Variants in FUNDC2 observed in about 807,000 individuals in gnomAD.
FUNDC2 encodes FUN14 domain containing 2, also known as FUN14 domain-containing protein 2.
A neutral mutation model predicts 15.6 loss-of-function variants in FUNDC2; 4 were observed. That is an observed-to-expected ratio of 0.26 (90% confidence interval 0.13 to 0.59). FUNDC2 has a LOEUF of 0.59. Ranked by LOEUF, FUNDC2 falls within the 20% of genes least tolerant of loss-of-function variation. FUNDC2 has a pLI of 0.90. For synonymous variants in FUNDC2, 44 were observed against 56.9 expected (o/e 0.77, Z 1.02); for missense variants, 98 against 149.7 (o/e 0.65, Z 1.80).
At position 155,060,065 on chromosome X, in the gene FUNDC2, G is replaced by A. The variant is rs1027621921; in HGVS notation, c.*5393G>A. On this transcript the variant is annotated 3_prime_UTR_variant, in exon 5 of 5. Transcript: ENST00000369498. ...TTTATTTATAAATTACCGAGTCTCA[G>A]GCACTTTTTATAGCAATGCAACAAT... 1.8e-5 allele frequency: 2 copies of A among 111,938 alleles called. No homozygotes were observed. Among genetic ancestry groups the A allele is most frequent in the Non-Finnish European group, 3.8e-5 (2 of 53,212 alleles). The allele number at this position is 111,938 out of a possible 1,213,427, so 9.2% of individuals were successfully genotyped here.
Position 155,033,413 on chromosome X carries a change from G to A in FUNDC2, c.144G>A (p.Glu48=). The A allele has an allele frequency of 8.3e-7, 1 of 1,205,111 alleles. No homozygotes were observed. The highest frequency in any genetic ancestry group is 1.1e-6 in the Non-Finnish European group (1 of 890,497). Residue 48 remains glutamate, a synonymous_variant, in exon 2 of 5, where the codon GAG becomes GAA. Coordinates refer to ENST00000369498, the MANE Select transcript of FUNDC2 (RefSeq NM_023934.4). ...TATTACTTCTTGTAGGAAACTTTGAGGGAAATTTTGAGTCACTGGACCTTG... is the reference window on the plus strand; with the variant it reads ...TATTACTTCTTGTAGGAAACTTTGAAGGAAATTTTGAGTCACTGGACCTTG... The part of the protein sequence containing the change: ...EMAASSQGNF[E]GNFESLDLAE...
intron 4 of FUNDC2, chrX:155,053,806 A>G: frequency 1.3e-6 from 1 of 752,232 alleles, no homozygotes; most frequent in East Asian, 1.5e-4. Flanking sequence ...TCTTGTTCAT[A>G]TGAACACTTT....
chrX:155,059,130 T>C lies in FUNDC2; in HGVS notation c.*4458T>C, dbSNP rs180721411. ...CAGCAGAGACTGAGAACCACTGAAG[T>C]ACACAGTTGGAAGCTGGTGCTGAAA... On this transcript the variant is annotated 3_prime_UTR_variant, in exon 5 of 5. Coordinates refer to ENST00000369498, the MANE Select transcript of FUNDC2 (RefSeq NM_023934.4). 6 of 112,589 alleles carry C rather than the reference T, an allele frequency of 5.3e-5. No individual in the cohort carries two copies. In the East Asian group the frequency reaches 1.4e-3, roughly 26 times the overall value. 9.3% of individuals were successfully genotyped at this position (112,589 alleles called of 1,213,427 possible).
intron 2 of FUNDC2, among the ~76,000 whole-genome samples, chrX:155,041,019 G>C (rs1280739229): frequency 8.9e-6 from 1 of 111,780 alleles, no homozygotes; most frequent in African/African-American, 3.3e-5. Flanking sequence ...TTTTGATGAA[G>C]TCCAATTTAT....
intron 2 of FUNDC2, among the ~76,000 whole-genome samples, chrX:155,040,557 A>G (rs1364372980): frequency 8.9e-6 from 1 of 112,452 alleles, no homozygotes; most frequent in Non-Finnish European, 1.9e-5. Flanking sequence ...CTGTATGTAT[A>G]TGCCACAGTT....
intron 2 of FUNDC2, among the ~76,000 whole-genome samples, chrX:155,036,137 G>A (rs1269000612): frequency 2.7e-5 from 3 of 112,211 alleles, no homozygotes; most frequent in Non-Finnish European, 5.6e-5. Context: ...CACCAGCAAT[G>A]TGTGAGGGTT....
At chrX:155,038,616 T>C (rs1247833938) in intron 2 of FUNDC2, among the ~76,000 whole-genome samples, 2 of 112,406 alleles carry the variant, frequency 1.8e-5, no homozygotes, top group Non-Finnish European at 3.8e-5. Context: ...TATTTGTCTT[T>C]CTGTGCCTGA....
chrX:155,028,106 A>T (rs1275879606), intron 1 of FUNDC2, among the ~76,000 whole-genome samples: 1 of 111,833 alleles, frequency 8.9e-6, no homozygotes, highest in East Asian at 2.8e-4. Flanking sequence ...ATAAGAGCAG[A>T]CTGCTCTTAT....
Position 155,057,636 on chromosome X carries a change from G to C in FUNDC2, c.*2964G>C, listed in dbSNP as rs891144488. The stretch of plus-strand genomic sequence containing the variant: ...GGCTTCCCTTCCCTTGTCCTGCAGC[G>C]TGCTGGACAGTGTCCCGGCTCAGGG... On this transcript the variant is annotated 3_prime_UTR_variant, in exon 5 of 5. Transcript: ENST00000369498. The C allele has an allele frequency of 8.9e-6, 1 of 111,942 alleles. No homozygotes were observed. The highest frequency in any genetic ancestry group is 1.9e-5 in the Non-Finnish European group (1 of 53,137). The allele number at this position is 111,942 out of a possible 1,213,427, so 9.2% of individuals were successfully genotyped here.
intron 1 of FUNDC2, among the ~76,000 whole-genome samples, chrX:155,028,119 G>GAGCAGACGGCTC (rs1569560146): frequency 1.5e-5 from 1 of 66,508 alleles, no homozygotes; most frequent in African/African-American, 6.8e-5. Flanking sequence ...GCTCTTATAG[G>GAGCAGACGGCTC]TTGATCAGGT....
rs1371603645 is a variant in FUNDC2, at chrX:155,056,438, AGTTT to A, written c.*1772_*1775del. 1 of 111,818 alleles carries A rather than the reference AGTTT, an allele frequency of 8.9e-6. No homozygotes were observed. The highest frequency in any genetic ancestry group is 9.5e-5 in the Admixed American group (1 of 10,570). 9.2% of individuals were successfully genotyped at this position (111,818 alleles called of 1,213,427 possible). ...AAATTTCCTCAAGTGTTTTATATTT[AGTTT>A]GTTTGAATCAAAATTCATGCAAGGT... On this transcript the variant is annotated 3_prime_UTR_variant, in exon 5 of 5. Transcript: ENST00000369498.
chrX:155,052,634 G>T (rs1557290576), intron 4 of FUNDC2, among the ~76,000 whole-genome samples: 1 of 110,846 alleles, frequency 9.0e-6, no homozygotes, highest in Non-Finnish European at 1.9e-5. Flanking sequence ...GGCTTCTCAT[G>T]TTGTGAGTGG....
intron 1 of FUNDC2, among the ~76,000 whole-genome samples, chrX:155,030,562 G>A (rs1557288648): frequency 9.1e-5 from 10 of 109,487 alleles, no homozygotes; most frequent in Non-Finnish European, 1.9e-5. Flanking sequence ...AAAAACAGTT[G>A]AATAGATTTT....
chrX:155,043,933 A>G (rs1179471871), intron 2 of FUNDC2, among the ~76,000 whole-genome samples: 1 of 112,366 alleles, frequency 8.9e-6, no homozygotes, highest in Non-Finnish European at 1.9e-5. Flanking sequence ...ACAGTAGACA[A>G]TGAGGGTAGT....
rs2073914875 is a variant in FUNDC2 at position 155,058,122 on chromosome X, T to G, written c.*3450T>G. On this transcript the variant is annotated 3_prime_UTR_variant, in exon 5 of 5. Coordinates refer to ENST00000369498, the MANE Select transcript of FUNDC2 (RefSeq NM_023934.4). ...CTCCAGACATTCATTAACAGGACAG[T>G]GGGGTTCTTGACTCCCCTACCACTG... 1 of 111,487 alleles carries G rather than the reference T, an allele frequency of 9.0e-6. No homozygotes were observed. The highest frequency in any genetic ancestry group is 9.5e-5 in the Admixed American group (1 of 10,498). 9.2% of individuals were successfully genotyped at this position (111,487 alleles called of 1,213,427 possible).
Position 155,057,046 on chromosome X carries a change from AGTATGAGAACGGCT to A in FUNDC2, c.*2377_*2390del, listed in dbSNP as rs1322609228. On this transcript the variant is annotated 3_prime_UTR_variant, in exon 5 of 5. Coordinates refer to ENST00000369498, the MANE Select transcript of FUNDC2 (RefSeq NM_023934.4). ...TATTGCAGGTTGGCCTCATCCTGCT[AGTATGAGAACGGCT>A]GTGAGTTCTGCCCACGGTGTGAGGC... The A allele has an allele frequency of 1.0e-5, 1 of 96,908 alleles. No individual in the cohort carries two copies. Among genetic ancestry groups the A allele is most frequent in the Non-Finnish European group, 2.2e-5 (1 of 44,734 alleles). The allele number at this position is 96,908 out of a possible 1,213,427, so 8.0% of individuals were successfully genotyped here. A position where few individuals can be genotyped will look rare whatever the true frequency, so the allele number is the denominator to read the frequency against.
intron 1 of FUNDC2, among the ~76,000 whole-genome samples, chrX:155,032,277 CTTCT>C (rs2073817772): frequency 1.0e-5 from 1 of 95,593 alleles, no homozygotes; most frequent in African/African-American, 3.9e-5. Context: ...CGCCTGGTGC[CTTCT>C]TTTTTTTTTT....
chrX:155,037,126 T>C, intron 2 of FUNDC2, among the ~76,000 whole-genome samples: 1 of 112,139 alleles, frequency 8.9e-6, no homozygotes. Context: ...ACACATCTTA[T>C]ATCAGATTTA....
chrX:155,056,358 A>G lies in FUNDC2; in HGVS notation c.*1686A>G, dbSNP rs1557290925. On this transcript the variant is annotated 3_prime_UTR_variant, in exon 5 of 5. Coordinates refer to ENST00000369498, the MANE Select transcript of FUNDC2 (RefSeq NM_023934.4). ...TATTTCTAAAAATCATAAATACCTC[A>G]TCATATCAGACATTAACAGTAATTA... is the stretch of plus-strand genomic sequence containing the variant. 1 of 111,654 alleles carries G rather than the reference A, an allele frequency of 9.0e-6. No homozygotes were observed. The highest frequency in any genetic ancestry group is 9.5e-5 in the Admixed American group (1 of 10,528). The allele number at this position is 111,654 out of a possible 1,213,427, so 9.2% of individuals were successfully genotyped here. A position where few individuals can be genotyped will look rare whatever the true frequency, so the allele number is the denominator to read the frequency against.
Sources: gnomAD v4.1 joint callset for allele counts (sites outside exome capture counted in the v4.1 genomes callset) on GRCh38, gnomAD v4.1.1 for gene constraint, MANE v1.5 for transcripts, NCBI Gene and HGNC (gene_info 2026-07-23, HGNC 2026-07-21) for gene names.